KCNH7: variants seen among roughly 807,000 people sequenced by gnomAD.
KCNH7 encodes the protein potassium voltage-gated channel subfamily H member 7.
Under a neutral mutation model 120.8 loss-of-function variants are expected in KCNH7, and 49 were observed. The ratio of observed to expected loss-of-function variants is 0.41; its 90% confidence interval spans 0.32 to 0.51. The LOEUF (loss-of-function observed/expected upper bound fraction) is 0.51, where lower values mean the gene tolerates loss of function less well. Ranked by LOEUF, KCNH7 falls within the 20% of genes least tolerant of loss-of-function variation. The pLI is 0.38. For missense variants in KCNH7, 1,097 were observed against 1,446.6 expected (o/e 0.76, Z 3.92); for synonymous variants, 547 against 516.1 (o/e 1.06, Z -0.81).
chr2:162,498,420 G>A (rs987077239), intron 6 of KCNH7, among the ~76,000 whole-genome samples: 2 of 126,346 alleles, frequency 1.6e-5, no homozygotes, highest in Non-Finnish European at 3.1e-5. Context: ...AATGTCTTGA[G>A]TATCTATACT....
At chr2:162,372,735 A>C (rs1040164939) in intron 15 of KCNH7, among the ~76,000 whole-genome samples, 24 of 152,156 alleles carry the variant, frequency 1.6e-4, no homozygotes, top group African/African-American at 5.8e-4. Flanking sequence ...ACAAATCTTT[A>C]TTTAAATCAT....
Position 162,511,091 on chromosome 2 carries a change from A to G in KCNH7, c.913+1563T>C, listed in dbSNP as rs539837740. Among the ~76,000 whole-genome samples, 9 of 151,838 alleles carry G rather than the reference A, an allele frequency of 5.9e-5. No homozygotes were observed. In the South Asian group the frequency reaches 1.9e-3, roughly 31 times the overall value. ...TTGATGAGCAATCTGAAATCTATGT[A>G]ATAAATAAAGAATATCCGTGTTCAA... On this transcript the variant is annotated intron_variant, in intron 5 of 15. Transcript: ENST00000332142.
At chr2:162,698,201 C>G (rs897563668) in intron 2 of KCNH7, among the ~76,000 whole-genome samples, 1 of 152,056 alleles carries the variant, frequency 6.6e-6, no homozygotes, top group African/African-American at 2.4e-5. Context: ...AGATTTTATA[C>G]ATATGAATGA....
At chr2:162,778,614 T>C (rs1683347982) in intron 2 of KCNH7, among the ~76,000 whole-genome samples, 2 of 151,852 alleles carry the variant, frequency 1.3e-5, no homozygotes, top group Non-Finnish European at 2.9e-5. Flanking sequence ...ATAAATAATC[T>C]CACAAGGTTC....
intron 2 of KCNH7, among the ~76,000 whole-genome samples, chr2:162,743,980 T>A (rs746853564): frequency 3.3e-5 from 5 of 152,188 alleles, no homozygotes; most frequent in Non-Finnish European, 5.9e-5. Context: ...TGGATTTATT[T>A]CAAGATATTT....
chr2:162,560,212 T>C lies in KCNH7; in HGVS notation c.308-23132A>G, dbSNP rs550370816. ...AAAATTTATTAACCGAGGAAACAAG[T>C]TTTTCCTCTGTGTCTGGAAGTTATA... On this transcript the variant is annotated intron_variant, in intron 2 of 15. Transcript: ENST00000332142. 2.6e-5 allele frequency among the ~76,000 whole-genome samples: 4 copies of C among 152,272 alleles called. No individual in the cohort carries two copies. In the East Asian group the frequency reaches 7.7e-4, roughly 29 times the overall value.
At chr2:162,627,895 G>T (rs1033608344) in intron 2 of KCNH7, among the ~76,000 whole-genome samples, 1 of 109,192 alleles carries the variant, frequency 9.2e-6, no homozygotes, top group Non-Finnish European at 1.8e-5. Context: ...CCTAGAAGTT[G>T]CTAGTCAGAA....
chr2:162,785,476 A>G (rs1422033431), intron 2 of KCNH7, among the ~76,000 whole-genome samples: 1 of 152,166 alleles, frequency 6.6e-6, no homozygotes, highest in African/African-American at 2.4e-5. Context: ...TTACATCGGA[A>G]GTTTTACAAC....
rs376709824 is a variant in KCNH7, at chr2:162,376,367, TG to T, written c.3132-2706del. Among the ~76,000 whole-genome samples the T allele has an allele frequency of 3.6e-3, 533 of 146,984 alleles. 5 individuals are homozygous for T. The highest frequency in any genetic ancestry group is 0.013 in the African/African-American group (488 of 37,558). On this transcript the variant is annotated intron_variant, in intron 14 of 15. Transcript: ENST00000332142. ...GGGCTTCCCTACTCAAAGTGTGGTT[TG>T]TTTTTTTTTTTTTTTTAGATGGAGT...
intron 2 of KCNH7, among the ~76,000 whole-genome samples, chr2:162,676,189 G>T (rs1685523853): frequency 6.6e-6 from 1 of 151,458 alleles, no homozygotes; most frequent in Non-Finnish European, 1.5e-5. Flanking sequence ...TCTGCTAAAA[G>T]GCTACCTTCC....
chr2:162,587,178 T>A (rs1008781660), intron 2 of KCNH7, among the ~76,000 whole-genome samples: 2 of 152,132 alleles, frequency 1.3e-5, no homozygotes, highest in African/African-American at 4.8e-5. Flanking sequence ...TATTTATGAA[T>A]GACCTGCCAG....
intron 2 of KCNH7, among the ~76,000 whole-genome samples, chr2:162,599,743 A>C (rs578186588): frequency 3.3e-5 from 5 of 152,184 alleles, no homozygotes; most frequent in Non-Finnish European, 5.9e-5. Context: ...TTTATTAACA[A>C]AATTATATAC....
rs1694094059 is a variant in KCNH7, at chr2:162,588,441, T to C, written c.308-51361A>G. Among the ~76,000 whole-genome samples the C allele has an allele frequency of 2.0e-5, 3 of 152,084 alleles. No homozygotes were observed. The South Asian group carries it at 6.2e-4, about 32-fold the overall frequency. On this transcript the variant is annotated intron_variant, in intron 2 of 15. Coordinates refer to ENST00000332142, the MANE Select transcript of KCNH7 (RefSeq NM_033272.4). Reference sequence around the variant, plus strand: ...CTATGTTACTATTACTATGGTCTTTTCCTTATACCCCCTCAAAAACAAAAC... The same window carrying C: ...CTATGTTACTATTACTATGGTCTTTCCCTTATACCCCCTCAAAAACAAAAC...
chr2:162,510,684 T>G (rs1175731585), intron 5 of KCNH7, among the ~76,000 whole-genome samples: 1 of 151,790 alleles, frequency 6.6e-6, no homozygotes, highest in African/African-American at 2.4e-5. Flanking sequence ...TTATGCATTT[T>G]GTACACAAAG....
intron 2 of KCNH7, among the ~76,000 whole-genome samples, chr2:162,676,506 T>C (rs1685534212): frequency 6.6e-6 from 1 of 151,466 alleles, no homozygotes; most frequent in Non-Finnish European, 1.5e-5. Flanking sequence ...TCTACTTCCA[T>C]TGACACAGTT....
chr2:162,384,793 C>T lies in KCNH7; in HGVS notation c.2857G>A (p.Val953Ile), dbSNP rs1279292743. Residue 953 changes from valine (V) to isoleucine (I), a missense_variant, in exon 13 of 16, where the codon GTA becomes ATA. Physicochemically the swap from Val to Ile is conservative, Grantham distance 29. Transcript: ENST00000332142. The stretch of plus-strand genomic sequence containing the variant: ...TTCCCTATTCCTGGAGAAGAGTCTA[C>T]TATTCCTGAGAAGAGCGGCTTTTGT... ...DEQKPLFSGI[V>I]DSSPGIGKAS... The T allele has an allele frequency of 6.2e-7, 1 of 1,612,782 alleles. No individual in the cohort carries two copies. The highest frequency in any genetic ancestry group is 2.2e-5 in the East Asian group (1 of 44,824).
intron 2 of KCNH7, among the ~76,000 whole-genome samples, chr2:162,749,529 G>A (rs1688468968): frequency 6.6e-6 from 1 of 152,156 alleles, no homozygotes; most frequent in African/African-American, 2.4e-5. Context: ...TGGAAGTAAT[G>A]TGTAAAACAT....
At chr2:162,611,260 A>T (rs145689554) in intron 2 of KCNH7, among the ~76,000 whole-genome samples, 7 of 152,248 alleles carry the variant, frequency 4.6e-5, no homozygotes, top group Middle Eastern at 6.8e-3. Flanking sequence ...GTCAAAAGAA[A>T]CAAGATCTTG....
intron 9 of KCNH7, among the ~76,000 whole-genome samples, chr2:162,401,083 A>G (rs1246883203): frequency 6.6e-6 from 1 of 151,912 alleles, no homozygotes; most frequent in African/African-American, 2.4e-5. Flanking sequence ...TCCGATATTC[A>G]GAAATGGAAA....
Sources: allele counts gnomAD v4.1 joint callset (sites outside exome capture counted in the v4.1 genomes callset), GRCh38; gene constraint gnomAD v4.1.1; transcripts MANE v1.5; gene names NCBI Gene and HGNC (gene_info 2026-07-23, HGNC 2026-07-21).